The following CIT variants were observed in gnomAD, a reference collection of about 807,000 sequenced individuals.
CIT encodes the protein citron Rho-interacting kinase.
In CIT, 79 loss-of-function variants were observed where a neutral mutation model predicts 272.7. The ratio of observed to expected loss-of-function variants is 0.29; its 90% CI spans 0.24 to 0.35. The LOEUF (loss-of-function observed/expected upper bound fraction) is 0.35, where lower values mean the gene tolerates loss of function less well. Ranked by LOEUF, CIT falls within the 10% of genes least tolerant of loss-of-function variation. The probability of loss-of-function intolerance (pLI) is 1.00; values close to 1 mark genes in which losing one functional copy is unlikely to be tolerated. For synonymous variants in CIT, 948 were observed against 995.6 expected, an observed-to-expected ratio of 0.95 and a Z score of 0.90; for missense variants, 1,909 against 2,618.3, an observed-to-expected ratio of 0.73 and a Z score of 5.91.
chr12:119,797,785 A>T (rs1348449504), intron 10 of CIT, among the ~76,000 whole-genome samples: 1 of 152,196 alleles, frequency 6.6e-6, no homozygotes, highest in Non-Finnish European at 1.5e-5. Context: ...AACAGGACTG[A>T]TTGGAGAGTT....
rs80092294 is a variant in CIT at position 119,782,789 on chromosome 12, G to A, written c.1546-152C>T. 9.4e-3 allele frequency: 7,863 copies of A among 832,304 alleles called. 51 individuals are homozygous for A. Among genetic ancestry groups the A allele is most frequent in the Non-Finnish European group, 0.012 (6,880 of 555,076 alleles). The allele number at this position is 832,304 out of a possible 1,614,324, so 51.6% of individuals were successfully genotyped here. On this transcript the variant is annotated intron_variant, in intron 12 of 47. Coordinates refer to ENST00000392521, the MANE Select transcript of CIT (RefSeq NM_001206999.2). The stretch of plus-strand genomic sequence containing the variant: ...CAACTTCCAGTTGGTTGCCGACTCC[G>A]GTTTCCATCCTGTAAAACCCCTTGG...
chr12:119,689,861 C>A (rs889094028), intron 47 of CIT, among the ~76,000 whole-genome samples: 4 of 151,212 alleles, frequency 2.6e-5, no homozygotes, highest in African/African-American at 7.3e-5. Flanking sequence ...GTATTTTTTT[C>A]GTAGAGACGG....
intron 22 of CIT, 48 bp downstream of exon 22, chr12:119,757,323 C>T (rs764892771): frequency 1.2e-6 from 2 of 1,605,598 alleles, no homozygotes; most frequent in Non-Finnish European, 1.7e-6. Flanking sequence ...TTGTTCAGAG[C>T]CCGAATCGCC....
At position 119,712,628 on chromosome 12, in the gene CIT, G is replaced by T; in HGVS notation, c.4647C>A (p.Ala1549=). 1.2e-6 allele frequency: 2 copies of T among 1,614,134 alleles called. No individual in the cohort carries two copies. Among genetic ancestry groups the T allele is most frequent in the South Asian group, 2.2e-5 (2 of 91,066 alleles). ...LPDGDVSIHG[A]VGASELANTA... ...TATTTGCGAGTTCGGAAGCACCAAC[G>T]GCACCATGAATAGATACATCCCCGT... The change falls in exon 36 of 48, where the codon GCC becomes GCA. Residue 1549 remains alanine (A), a synonymous_variant. Transcript: ENST00000392521. The surrounding 1 kb of genome is among the most constrained non-coding windows in gnomAD (Gnocchi z 5.2).
intron 23 of CIT, among the ~76,000 whole-genome samples, chr12:119,743,440 C>CA (rs1959158833): frequency 6.6e-6 from 1 of 152,006 alleles, no homozygotes; most frequent in Admixed American, 6.6e-5. Context: ...CAACAACAAC[C>CA]AAAAAAACTG....
At chr12:119,756,308 A>G (rs1565995228) in intron 22 of CIT, among the ~76,000 whole-genome samples, 1 of 152,240 alleles carries the variant, frequency 6.6e-6, no homozygotes, top group Non-Finnish European at 1.5e-5. Context: ...CAGCGAAAGC[A>G]GGGATCTATT....
intron 5 of CIT, among the ~76,000 whole-genome samples, chr12:119,835,352 C>A (rs756409483): frequency 2.6e-4 from 39 of 152,168 alleles, no homozygotes; most frequent in Non-Finnish European, 3.2e-4. Flanking sequence ...GAGGGCCTGG[C>A]ACAGTGCCTG....
At chr12:119,707,346 G>A (rs1187105872) in intron 40 of CIT, among the ~76,000 whole-genome samples, 1 of 152,174 alleles carries the variant, frequency 6.6e-6, no homozygotes, top group Non-Finnish European at 1.5e-5. Flanking sequence ...GGAGGCAACA[G>A]AAATTTAACC....
chr12:119,755,882 T>C (rs1232032515), intron 22 of CIT, among the ~76,000 whole-genome samples: 1 of 152,158 alleles, frequency 6.6e-6, no homozygotes, highest in African/African-American at 2.4e-5. Flanking sequence ...TTTGGTTTTG[T>C]CTTTTAATCT....
At chr12:119,701,580 G>C (rs1206733512) in intron 43 of CIT, 44 bp downstream of exon 43, 1 of 1,603,818 alleles carries the variant, frequency 6.2e-7, no homozygotes, top group South Asian at 1.1e-5. Flanking sequence ...GGTCCCTAGT[G>C]TCCATGAGGA....
At chr12:119,753,104 A>T (rs578129191) in intron 22 of CIT, among the ~76,000 whole-genome samples, 1 of 152,056 alleles carries the variant, frequency 6.6e-6, no homozygotes, top group South Asian at 2.1e-4. Context: ...ACCACGACAC[A>T]TCTATTGACC....
At chr12:119,745,653 C>T (rs1428605795) in intron 23 of CIT, among the ~76,000 whole-genome samples, 1 of 151,846 alleles carries the variant, frequency 6.6e-6, no homozygotes, top group Non-Finnish European at 1.5e-5. Context: ...CTGAAAATAG[C>T]CAGAAGAGAA....
chr12:119,772,888 G>C lies in CIT; in HGVS notation c.1964C>G (p.Ala655Gly). Reference protein sequence around the residue: ...LEKAVKASTEATELLQNIRQA... With the variant: ...LEKAVKASTEGTELLQNIRQA... ...GCGGATATTCTGCAGCAGCTCGGTG[G>C]CCTCCGTGCTGGCTTTTACAGCCTA... Residue 655 changes from alanine (A) to glycine (G), a missense_variant, in exon 17 of 48, where the codon GCC (alanine) becomes GGC (glycine). Around this residue, in one of 8 missense-constraint regions of CIT, gnomAD observed 530 missense variants for 822.4 expected, o/e 0.64. Transcript: ENST00000392521. The C allele has an allele frequency of 6.2e-7, 1 of 1,613,852 alleles. No homozygotes were observed. Among genetic ancestry groups the C allele is most frequent in the Non-Finnish European group, 8.5e-7 (1 of 1,179,932 alleles).
At chr12:119,834,932 G>A (rs973019039) in intron 5 of CIT, among the ~76,000 whole-genome samples, 1 of 152,120 alleles carries the variant, frequency 6.6e-6, no homozygotes, top group Non-Finnish European at 1.5e-5. Context: ...AAAACAAACA[G>A]ATTCCATTTA....
chr12:119,803,171 T>C (rs1185699092), intron 10 of CIT, 35 bp downstream of exon 10: 2 of 768,970 alleles, frequency 2.6e-6, no homozygotes, highest in Non-Finnish European at 3.5e-6. Flanking sequence ...CTTGCATCAA[T>C]GCAGGTCCCT....
Position 119,822,833 on chromosome 12 carries a change from G to A in CIT, c.1098C>T (p.Asn366=). The A allele has an allele frequency of 6.2e-7, 1 of 1,614,022 alleles. No homozygotes were observed. ...AGCCCTACTTACAGTTACGAATGTTGTTCCAGTCAATTTTAGAGAAGAAAG... is the reference window on the plus strand; with the variant it reads ...AGCCCTACTTACAGTTACGAATGTTATTCCAGTCAATTTTAGAGAAGAAAG... ...CHPFFSKIDW[N]NIRNSPPPFV... The change falls in exon 9 of 48, where the codon AAC becomes AAT. Residue 366 remains asparagine, a synonymous_variant. Coordinates refer to ENST00000392521, the MANE Select transcript of CIT (RefSeq NM_001206999.2).
chr12:119,700,892 G>A (rs1157044698), intron 43 of CIT, 67 bp from the exon 44 acceptor site: 5 of 1,290,190 alleles, frequency 3.9e-6, no homozygotes, highest in Middle Eastern at 1.8e-4. Flanking sequence ...GACACACATG[G>A]TGATGGAAGA....
intron 5 of CIT, among the ~76,000 whole-genome samples, chr12:119,835,488 C>A (rs925097629): frequency 6.6e-6 from 1 of 152,170 alleles, no homozygotes; most frequent in Non-Finnish European, 1.5e-5. Flanking sequence ...CATGTTAACC[C>A]TTATTGAGTT....
intron 4 of CIT, among the ~76,000 whole-genome samples, chr12:119,851,199 A>G (rs886499989): frequency 1.3e-5 from 2 of 152,208 alleles, no homozygotes; most frequent in Non-Finnish European, 2.9e-5. Flanking sequence ...GATTAAAGGC[A>G]TAAGCCACTG....
Sources: gnomAD v4.1 joint callset for allele counts (sites outside exome capture counted in the v4.1 genomes callset) on GRCh38, gnomAD v4.1.1 for gene constraint, gnomAD v4.1.1 regional missense constraint, Gnocchi (gnomAD v3.1) non-coding constraint, MANE v1.5 for transcripts, NCBI Gene and HGNC (gene_info 2026-07-23, HGNC 2026-07-21) for gene names.